The following VPS4B variants were observed in gnomAD, a reference collection of about 807,000 sequenced individuals.
VPS4B encodes vacuolar protein sorting 4 homolog B, also known as vacuolar protein sorting-associated protein 4B.
VPS4B carries 23 observed loss-of-function variants against 56.1 expected under a neutral mutation model. That is an observed-to-expected ratio of 0.41 (90% CI 0.30 to 0.58). VPS4B has a LOEUF of 0.58. VPS4B is among the 20% of genes least tolerant of loss of function. The pLI is 0.29. For synonymous variants in VPS4B, 177 were observed against 186.0 expected (o/e 0.95, Z 0.39); for missense variants, 372 against 531.9 (o/e 0.70, Z 2.96).
At chr18:63,391,138 G>A (rs1198687089) in intron 10 of VPS4B, 62 bp from the exon 11 acceptor site, 8 of 1,095,216 alleles carry the variant, frequency 7.3e-6, no homozygotes, top group Non-Finnish European at 9.6e-6. Flanking sequence ...ATAAAAAACC[G>A]TCATATTATC....
intron 4 of VPS4B, among the ~76,000 whole-genome samples, chr18:63,405,939 T>C (rs953580038): frequency 6.6e-6 from 1 of 151,896 alleles, no homozygotes; most frequent in Non-Finnish European, 1.5e-5. Context: ...TAAGCCGTGA[T>C]TGCGCCACTG....
At chr18:63,421,960 G>C (rs1234318502) in intron 1 of VPS4B, among the ~76,000 whole-genome samples, 1 of 152,192 alleles carries the variant, frequency 6.6e-6, no homozygotes, top group Non-Finnish European at 1.5e-5. Flanking sequence ...GGAGAAACCT[G>C]CCCAGATCTT....
Position 63,410,181 on chromosome 18 carries a change from C to A in VPS4B, c.296+109G>T. On this transcript the variant is annotated intron_variant, in intron 3 of 10. Transcript: ENST00000238497. ...CTTATTCCAAAAACAGGCAGCTGGG[C>A]AGCTTTGGCCCATGAGCCATAGTTT... 3 of 1,404,802 alleles carry A rather than the reference C, an allele frequency of 2.1e-6. No individual in the cohort carries two copies. The East Asian group carries it at 6.8e-5, about 32-fold the overall frequency. The allele number at this position is 1,404,802 out of a possible 1,614,324, so 87.0% of individuals were successfully genotyped here. A position where few individuals can be genotyped will look rare whatever the true frequency, so the allele number is the denominator to read the frequency against.
intron 1 of VPS4B, among the ~76,000 whole-genome samples, chr18:63,420,564 G>A (rs528135529): frequency 1.3e-5 from 2 of 152,258 alleles, no homozygotes; most frequent in Non-Finnish European, 2.9e-5. Flanking sequence ...AAAAGCCAAC[G>A]ATGACAAGAT....
intron 1 of VPS4B, 22 bp downstream of exon 1, chr18:63,422,211 G>A (rs1328580867): frequency 2.0e-6 from 3 of 1,503,074 alleles, no homozygotes; most frequent in African/African-American, 1.4e-5. Context: ...TCCCTAGGGG[G>A]ACGGGAGATG....
chr18:63,417,193 C>A (rs952931060), intron 1 of VPS4B, among the ~76,000 whole-genome samples: 1 of 152,166 alleles, frequency 6.6e-6, no homozygotes, highest in Non-Finnish European at 1.5e-5. Flanking sequence ...ATATTTCCAT[C>A]GACATACAAA....
chr18:63,394,469 CTT>C (rs554481058), intron 9 of VPS4B, among the ~76,000 whole-genome samples: 16 of 142,962 alleles, frequency 1.1e-4, no homozygotes, highest in Non-Finnish European at 1.1e-4. Flanking sequence ...GGAGGCACTT[CTT>C]TTTTTTTTTT....
At position 63,405,943 on chromosome 18, in the gene VPS4B, G is replaced by A. The variant is rs144212350; in HGVS notation, c.364+1489C>T. The stretch of plus-strand genomic sequence containing the variant: ...CGAGGCTGCAGTAAGCCGTGATTGC[G>A]CCACTGCACTCCAGCCTGGGCAACA... On this transcript the variant is annotated intron_variant, in intron 4 of 10. Transcript: ENST00000238497. 9.5e-3 allele frequency among the ~76,000 whole-genome samples: 1,448 copies of A among 151,792 alleles called. 29 individuals are homozygous for A. Among genetic ancestry groups the A allele is most frequent in the African/African-American group, 0.033 (1,378 of 41,352 alleles).
At position 63,397,196 on chromosome 18, in the gene VPS4B, A is replaced by G; in HGVS notation, c.930T>C (p.Phe310=). Residue 310 remains phenylalanine, a synonymous_variant, in exon 9 of 11, where the codon TTT becomes TTC. Coordinates refer to ENST00000238497, the MANE Select transcript of VPS4B (RefSeq NM_004869.4). ...TCTGAGTGGTCCCTAGGTGCAGTTTAAACATTGCTGCTCGGGCATGGGGTT... is the reference window on the plus strand; with the variant it reads ...TCTGAGTGGTCCCTAGGTGCAGTTTGAACATTGCTGCTCGGGCATGGGGTT... The part of the protein sequence containing the change: ...LPEPHARAAM[F]KLHLGTTQNS... 1 of 1,614,118 alleles carries G rather than the reference A, an allele frequency of 6.2e-7. No homozygotes were observed. The highest frequency in any genetic ancestry group is 8.5e-7 in the Non-Finnish European group (1 of 1,180,028).
intron 1 of VPS4B, among the ~76,000 whole-genome samples, chr18:63,421,674 G>A (rs1286171515): frequency 6.6e-6 from 1 of 152,148 alleles, no homozygotes. Context: ...GAGCCACACA[G>A]AGGTTTAAGA....
Position 63,422,381 on chromosome 18 carries a change from A to C in VPS4B, c.-122T>G. 1 of 906,514 alleles carries C rather than the reference A, an allele frequency of 1.1e-6. No homozygotes were observed. Among genetic ancestry groups the C allele is most frequent in the Non-Finnish European group, 1.5e-6 (1 of 651,240 alleles). 56.2% of individuals were successfully genotyped at this position (906,514 alleles called of 1,614,324 possible). ...GGAGGCCGGTGGTTCTCGGACCGCG[A>C]AGGGCAGCCTCCCTTCCGGAACTTG... On this transcript the variant is annotated 5_prime_UTR_variant, in exon 1 of 11. Coordinates refer to ENST00000238497, the MANE Select transcript of VPS4B (RefSeq NM_004869.4).
At position 63,390,921 on chromosome 18, in the gene VPS4B, A is replaced by C; in HGVS notation, c.*54T>G. On this transcript the variant is annotated 3_prime_UTR_variant, in exon 11 of 11. Transcript: ENST00000238497. ...ACAATTAATGCGATCCAAATAGACA[A>C]AAATATCTATGAAAGAAAGAATACA... The C allele has an allele frequency of 7.7e-7, 1 of 1,304,846 alleles. No homozygotes were observed. Among genetic ancestry groups the C allele is most frequent in the South Asian group, 1.2e-5 (1 of 81,694 alleles). The allele number at this position is 1,304,846 out of a possible 1,614,324, so 80.8% of individuals were successfully genotyped here. A position where few individuals can be genotyped will look rare whatever the true frequency, so the allele number is the denominator to read the frequency against.
chr18:63,418,746 T>C (rs1250576209), intron 1 of VPS4B, among the ~76,000 whole-genome samples: 2 of 152,190 alleles, frequency 1.3e-5, no homozygotes, highest in Non-Finnish European at 2.9e-5. Flanking sequence ...CCCATTTCTC[T>C]CTCCTTAACT....
chr18:63,402,052 T>C (rs1915824090), intron 5 of VPS4B, among the ~76,000 whole-genome samples: 1 of 152,150 alleles, frequency 6.6e-6, no homozygotes, highest in Non-Finnish European at 1.5e-5. Context: ...ACTATGGATG[T>C]GTACACAGTA....
At position 63,393,455 on chromosome 18, in the gene VPS4B, C is replaced by T; in HGVS notation, c.1187G>A (p.Trp396Ter). ...AAGTTTATCTCCAGGGACATCCATC[C>T]ATGTCATTTCAATGGCACCAGGGTC... The part of the protein sequence containing the change: ...PGDPGAIEMT[W>*]MDVPGDKLLE... Residue 396 changes from tryptophan (W) to a stop codon, truncating the protein, a stop_gained, in exon 10 of 11, where the codon TGG becomes TAG. Transcript: ENST00000238497. LOFTEE classifies it high-confidence loss of function. The T allele has an allele frequency of 6.2e-7, 1 of 1,611,924 alleles. No homozygotes were observed. The highest frequency in any genetic ancestry group is 8.5e-7 in the Non-Finnish European group (1 of 1,179,042).
chr18:63,405,610 C>T (rs758099724), intron 4 of VPS4B, among the ~76,000 whole-genome samples: 6 of 151,596 alleles, frequency 4.0e-5, no homozygotes, highest in Non-Finnish European at 8.8e-5. Context: ...GTTTGTTTTA[C>T]ATTTCTGGCC....
At position 63,390,912 on chromosome 18, in the gene VPS4B, A is replaced by C. The variant is rs1915533982; in HGVS notation, c.*63T>G. On this transcript the variant is annotated 3_prime_UTR_variant, in exon 11 of 11. Coordinates refer to ENST00000238497, the MANE Select transcript of VPS4B (RefSeq NM_004869.4). The stretch of plus-strand genomic sequence containing the variant: ...TTACTGGAAACAATTAATGCGATCC[A>C]AATAGACAAAAATATCTATGAAAGA... 1 of 1,205,356 alleles carries C rather than the reference A, an allele frequency of 8.3e-7. No individual in the cohort carries two copies. Among genetic ancestry groups the C allele is most frequent in the South Asian group, 1.3e-5 (1 of 78,672 alleles). 74.7% of individuals were successfully genotyped at this position (1,205,356 alleles called of 1,614,324 possible).
intron 9 of VPS4B, among the ~76,000 whole-genome samples, chr18:63,395,839 G>C (rs934271177): frequency 1.3e-5 from 2 of 152,214 alleles, no homozygotes; most frequent in Admixed American, 1.3e-4. Context: ...GAACACAGGA[G>C]GGGCAGGATA....
chr18:63,408,871 C>T (rs1386023175), intron 3 of VPS4B, among the ~76,000 whole-genome samples: 1 of 152,124 alleles, frequency 6.6e-6, no homozygotes, highest in African/African-American at 2.4e-5. Context: ...CAGAAGAGAT[C>T]CTTACAGGGT....
Sources: allele counts gnomAD v4.1 joint callset (sites outside exome capture counted in the v4.1 genomes callset), GRCh38; gene constraint gnomAD v4.1.1; transcripts MANE v1.5; gene names NCBI Gene and HGNC (gene_info 2026-07-23, HGNC 2026-07-21).